The following DLEU7 variants were observed in gnomAD, a reference collection of about 807,000 sequenced individuals.
DLEU7 encodes the protein deleted in lymphocytic leukemia 7, also known as leukemia-associated protein 7.
Under a neutral mutation model 16.0 loss-of-function variants are expected in DLEU7, and 17 were observed. The observed-to-expected ratio is 1.06, with a 90% CI of 0.73 to 1.59. The LOEUF (loss-of-function observed/expected upper bound fraction) is 1.59. Among genes scored for constraint, DLEU7 ranks in the 40% most tolerant of loss-of-function variants. The pLI is 0.00. For synonymous variants in DLEU7, 113 were observed against 139.8 expected (o/e 0.81, Z 1.35); for missense variants, 308 against 314.9 (o/e 0.98, Z 0.17).
intron 1 of DLEU7, among the ~76,000 whole-genome samples, chr13:50,729,877 T>TGG (rs1873869757): frequency 6.6e-6 from 1 of 152,178 alleles, no homozygotes; most frequent in Non-Finnish European, 1.5e-5. Context: ...CACTTTTTAA[T>TGG]GGGGTTGTGT....
rs1291747977 is a variant in DLEU7 at position 50,726,084 on chromosome 13, C to A, written c.460-12844G>T. On this transcript the variant is annotated intron_variant, in intron 1 of 1. Coordinates refer to the DLEU7 transcript ENST00000400393. The surrounding 1 kb of genome is among the most constrained non-coding windows in gnomAD (Gnocchi z 4.0). ...CTGCCTTCAAGGGACCTATCACTGT[C>A]TTGGAGAAGTAACGGTGAAAATTAT... Among the ~76,000 whole-genome samples the A allele has an allele frequency of 6.6e-6, 1 of 152,156 alleles. No homozygotes were observed. Among genetic ancestry groups the A allele is most frequent in the African/African-American group, 2.4e-5 (1 of 41,452 alleles).
At chr13:50,790,702 T>G (rs2137773242) in intron 1 of DLEU7, among the ~76,000 whole-genome samples, 1 of 152,198 alleles carries the variant, frequency 6.6e-6, no homozygotes, top group East Asian at 1.9e-4. Flanking sequence ...GGAAGAGGAC[T>G]CTGTTCAACC....
At chr13:50,798,135 G>A (rs1041687229) in intron 1 of DLEU7, among the ~76,000 whole-genome samples, 39 of 152,102 alleles carry the variant, frequency 2.6e-4, no homozygotes, top group African/African-American at 8.7e-4. Context: ...CACCTTGATG[G>A]CAGTTGTCTA....
chr13:50,763,164 G>A (rs1874988458), intron 1 of DLEU7, among the ~76,000 whole-genome samples: 1 of 152,166 alleles, frequency 6.6e-6, no homozygotes, highest in Admixed American at 6.5e-5. Context: ...GCAGCAGCTC[G>A]GTACTGCTGT....
chr13:50,765,027 C>G (rs941392518), intron 1 of DLEU7, among the ~76,000 whole-genome samples: 5 of 152,122 alleles, frequency 3.3e-5, no homozygotes, highest in African/African-American at 1.2e-4. Context: ...GGATTACAGG[C>G]ACGCACCATC....
At chr13:50,820,517 T>C (rs1439020213), downstream of DLEU7, among the ~76,000 whole-genome samples, 1 of 151,990 alleles carries the variant, frequency 6.6e-6, no homozygotes, top group Non-Finnish European at 1.5e-5. Flanking sequence ...AAACTCAGAG[T>C]ACCTGTGTAC....
At chr13:50,761,342 T>C (rs1874923582) in intron 1 of DLEU7, among the ~76,000 whole-genome samples, 1 of 152,166 alleles carries the variant, frequency 6.6e-6, no homozygotes, top group African/African-American at 2.4e-5. Flanking sequence ...CGAATTGTTT[T>C]AGTGAATTAG....
intron 1 of DLEU7, among the ~76,000 whole-genome samples, chr13:50,788,708 G>A (rs1767026983): frequency 6.6e-6 from 1 of 152,158 alleles, no homozygotes; most frequent in African/African-American, 2.4e-5. Context: ...CCCTCGCCTG[G>A]GATGTTCAAA....
upstream of DLEU7, chr13:50,843,884 C>T: frequency 1.9e-6 from 1 of 514,882 alleles, no homozygotes; most frequent in Non-Finnish European, 3.3e-6. This position sits in a 1 kb window ranked among gnomAD's most constrained non-coding sequence, Gnocchi z 5.7. Flanking sequence ...AAGCGCTGCT[C>T]GGTGTGCACT....
In DLEU7 at chr13:50,823,420, G is replaced by C; in HGVS notation, c.560C>G (p.Thr187Arg). ...DLNAAHQCLK[T>R]IVKKLIQSLA... ...TGACTGAATCAGCTTCTTGACTATT[G>C]TCTTCAAACACTGGTGGGCAGCATT... Residue 187 changes from threonine to arginine, a missense_variant, in exon 2 of 2, where the codon ACA becomes AGA. Thr to Arg is a moderately conservative substitution (Grantham distance 71, BLOSUM62 -1). Transcript: ENST00000504404. The C allele has an allele frequency of 6.5e-7, 1 of 1,535,894 alleles. No homozygotes were observed. Among genetic ancestry groups the C allele is most frequent in the Non-Finnish European group, 8.7e-7 (1 of 1,146,738 alleles).
At chr13:50,796,573 A>T (rs1289291078) in intron 1 of DLEU7, among the ~76,000 whole-genome samples, 1 of 152,196 alleles carries the variant, frequency 6.6e-6, no homozygotes, top group African/African-American at 2.4e-5. Context: ...GGCCACAGTT[A>T]ACAAAAAACT....
intron 1 of DLEU7, among the ~76,000 whole-genome samples, chr13:50,770,769 G>GGAT (rs1370730595): frequency 8.5e-5 from 13 of 152,122 alleles, no homozygotes; most frequent in African/African-American, 3.1e-4. Context: ...TTTGGTATCA[G>GGAT]GATGATGCTG....
intron 1 of DLEU7, among the ~76,000 whole-genome samples, chr13:50,762,377 G>A (rs1347512626): frequency 5.3e-5 from 8 of 152,056 alleles, no homozygotes; most frequent in Admixed American, 5.2e-4. Context: ...TACTCCTGGA[G>A]CATTATAATT....
chr13:50,765,754 C>A lies in DLEU7; in HGVS notation c.460-52514G>T, dbSNP rs687729. On this transcript the variant is annotated intron_variant, in intron 1 of 1. Coordinates refer to the DLEU7 transcript ENST00000400393. ...TTTTGAACCCCTCACATGTGCCAGG[C>A]ACTGTACTGGGAGCCAGCAATATGA... 2.2e-4 allele frequency among the ~76,000 whole-genome samples: 33 copies of A among 151,810 alleles called. 1 individual carries two copies. The South Asian group carries it at 6.0e-3, about 28-fold the overall frequency.
chr13:50,748,723 CAGAG>C (rs1874473717), intron 1 of DLEU7, among the ~76,000 whole-genome samples: 1 of 150,808 alleles, frequency 6.6e-6, no homozygotes, highest in South Asian at 2.1e-4. Flanking sequence ...GACAGGGAGA[CAGAG>C]AGAAAGCAAG....
chr13:50,794,301 CT>C (rs11287814), intron 1 of DLEU7, among the ~76,000 whole-genome samples: 64,097 of 147,062 alleles, frequency 0.44, 13,896 homozygotes, highest in African/African-American at 0.54. Context: ...AGTAAAAAGA[CT>C]TTTTTTTTTT....
chr13:50,769,594 T>A (rs1875231847), intron 1 of DLEU7, among the ~76,000 whole-genome samples: 1 of 152,198 alleles, frequency 6.6e-6, no homozygotes, highest in South Asian at 2.1e-4. Context: ...GATCAGATGG[T>A]TGTATATGCC....
chr13:50,801,663 A>G (rs963844591), intron 1 of DLEU7, among the ~76,000 whole-genome samples: 1 of 152,072 alleles, frequency 6.6e-6, no homozygotes, highest in East Asian at 1.9e-4. Flanking sequence ...CAAGGAGCAT[A>G]TATGTAGATT....
chr13:50,775,358 GT>G (rs1357773888), intron 1 of DLEU7, among the ~76,000 whole-genome samples: 9 of 152,166 alleles, frequency 5.9e-5, no homozygotes, highest in African/African-American at 2.2e-4. Flanking sequence ...TGAATCCCTA[GT>G]CCTGAGCCTT....
Sources: allele counts gnomAD v4.1 joint callset (sites outside exome capture counted in the v4.1 genomes callset), GRCh38; gene constraint gnomAD v4.1.1; non-coding constraint Gnocchi (gnomAD v3.1); transcripts MANE v1.5; gene names NCBI Gene and HGNC (gene_info 2026-07-23, HGNC 2026-07-21).